The following ELAVL2 variants were observed in gnomAD, a reference collection of about 807,000 sequenced individuals.
The protein encoded by ELAVL2 is ELAV like RNA binding protein 2, also known as ELAV-like protein 2.
In ELAVL2, 4 loss-of-function variants were observed where a neutral mutation model predicts 34.6. The observed-to-expected ratio is 0.12, with a 90% CI of 0.06 to 0.26. ELAVL2 has a LOEUF of 0.26. Among genes scored for constraint, ELAVL2 ranks in the 10% least tolerant of loss-of-function variants. The probability of loss-of-function intolerance (pLI) is 1.00; values close to 1 mark genes in which losing one functional copy is unlikely to be tolerated. For missense variants in ELAVL2, 432 were observed against 442.8 expected, an observed-to-expected ratio of 0.98 and a Z score of 0.22; for synonymous variants, 193 against 154.8, an observed-to-expected ratio of 1.25 and a Z score of -1.83.
At chr9:23,702,945 G>A (rs1471852362) in intron 4 of ELAVL2, among the ~76,000 whole-genome samples, 1 of 22,814 alleles carries the variant, frequency 4.4e-5, no homozygotes, top group Non-Finnish European at 1.0e-4. Context: ...AAAAGCATCA[G>A]ATTAGCAAAA....
intron 1 of ELAVL2, among the ~76,000 whole-genome samples, chr9:23,801,695 C>A (rs1033787801): frequency 6.6e-6 from 1 of 152,128 alleles, no homozygotes; most frequent in Admixed American, 6.6e-5. Context: ...CATTAGTTAT[C>A]CAAACTAAAA....
intron 2 of ELAVL2, among the ~76,000 whole-genome samples, chr9:23,761,460 G>C (rs2054979347): frequency 6.6e-6 from 1 of 151,936 alleles, no homozygotes; most frequent in African/African-American, 2.4e-5. Flanking sequence ...TAACAAGAAG[G>C]ACAATCATAT....
rs193061968 is a variant in ELAVL2 at position 23,761,267 on chromosome 9, T to A, written c.229+739A>T. Among the ~76,000 whole-genome samples the A allele has an allele frequency of 1.1e-4, 17 of 152,236 alleles. No individual in the cohort carries two copies. In the South Asian group the frequency reaches 3.5e-3, roughly 32 times the overall value. On this transcript the variant is annotated intron_variant, in intron 2 of 6. Transcript: ENST00000397312. ...TAGTGTTTAACTTCATATGTATGTC[T>A]AACTTCATGTATTTTTAGTGTTTGA...
intron 2 of ELAVL2, among the ~76,000 whole-genome samples, chr9:23,761,784 A>C (rs1265572050): frequency 2.0e-5 from 3 of 152,092 alleles, no homozygotes; most frequent in Admixed American, 6.6e-5. Context: ...TCCAGATCAG[A>C]GTACATTAAA....
At chr9:23,739,093 G>C (rs992215443) in intron 2 of ELAVL2, among the ~76,000 whole-genome samples, 1 of 151,464 alleles carries the variant, frequency 6.6e-6, no homozygotes, top group Non-Finnish European at 1.5e-5. Context: ...GTATTACACC[G>C]GGTACACAAA....
chr9:23,789,171 C>T (rs930903651), intron 1 of ELAVL2, among the ~76,000 whole-genome samples: 7 of 152,032 alleles, frequency 4.6e-5, no homozygotes, highest in African/African-American at 1.4e-4. Flanking sequence ...TTATTCAGTT[C>T]CTATTAGTCC....
Position 23,761,396 on chromosome 9 carries a change from AAGG to A in ELAVL2, c.229+607_229+609del, listed in dbSNP as rs1355588586. Among the ~76,000 whole-genome samples the A allele has an allele frequency of 3.3e-5, 5 of 152,218 alleles. No homozygotes were observed. In the East Asian group the frequency reaches 7.7e-4, roughly 24 times the overall value. Reference sequence around the variant, plus strand: ...ATTTAGTCAAATCTTAAAAAATACTAAGGAGATTTTCACCTAATATTCAAAATG... The same window carrying A: ...ATTTAGTCAAATCTTAAAAAATACTAAGATTTTCACCTAATATTCAAAATG... On this transcript the variant is annotated intron_variant, in intron 2 of 6. Transcript: ENST00000397312.
intron 1 of ELAVL2, among the ~76,000 whole-genome samples, chr9:23,799,771 G>C (rs1035931703): frequency 6.6e-6 from 1 of 152,158 alleles, no homozygotes; most frequent in Non-Finnish European, 1.5e-5. Context: ...CCAAATAAGA[G>C]ACCACAGTTG....
intron 1 of ELAVL2, among the ~76,000 whole-genome samples, chr9:23,793,021 T>G (rs2060506381): frequency 6.6e-6 from 1 of 152,196 alleles, no homozygotes; most frequent in African/African-American, 2.4e-5. Flanking sequence ...AAGCAATCCC[T>G]CCCCGCAAGG....
At chr9:23,795,185 G>T (rs1254166629) in intron 1 of ELAVL2, among the ~76,000 whole-genome samples, 1 of 152,076 alleles carries the variant, frequency 6.6e-6, no homozygotes, top group Non-Finnish European at 1.5e-5. Flanking sequence ...AATTAAGTGG[G>T]TAGTTTGTTT....
At chr9:23,788,099 C>T (rs2059913282) in intron 1 of ELAVL2, among the ~76,000 whole-genome samples, 2 of 152,024 alleles carry the variant, frequency 1.3e-5, no homozygotes, top group African/African-American at 2.4e-5. Context: ...GAAGGGAGCA[C>T]AAAATGACTT....
At chr9:23,709,495 T>A (rs991331853) in intron 3 of ELAVL2, among the ~76,000 whole-genome samples, 12 of 152,080 alleles carry the variant, frequency 7.9e-5, no homozygotes, top group African/African-American at 2.9e-4. Context: ...GGTGCCTTCA[T>A]ATGCACCTAC....
At chr9:23,718,477 A>G (rs1401350970) in intron 3 of ELAVL2, among the ~76,000 whole-genome samples, 1 of 152,192 alleles carries the variant, frequency 6.6e-6, no homozygotes, top group African/African-American at 2.4e-5. Context: ...TAGAAACTGT[A>G]CCAGTTTTTT....
intron 3 of ELAVL2, among the ~76,000 whole-genome samples, chr9:23,717,722 C>T (rs1034048854): frequency 6.6e-6 from 1 of 152,070 alleles, no homozygotes; most frequent in Non-Finnish European, 1.5e-5. Context: ...ATCATATATC[C>T]AAATAATGGT....
At chr9:23,812,719 G>T (rs1236907552) in intron 1 of ELAVL2, among the ~76,000 whole-genome samples, 1 of 149,750 alleles carries the variant, frequency 6.7e-6, no homozygotes, top group Non-Finnish European at 1.5e-5. Flanking sequence ...GTTTTTAAGT[G>T]AGCATACACT....
chr9:23,790,851 T>C (rs569816897), intron 1 of ELAVL2, among the ~76,000 whole-genome samples: 1 of 152,296 alleles, frequency 6.6e-6, no homozygotes, highest in African/African-American at 2.4e-5. Context: ...TCACATCTCT[T>C]AGTATTTCCA....
chr9:23,704,410 T>C (rs181994407), intron 4 of ELAVL2, among the ~76,000 whole-genome samples: 5 of 152,278 alleles, frequency 3.3e-5, no homozygotes, highest in Non-Finnish European at 7.4e-5. Context: ...ATATTAGGAA[T>C]AAAATAAATT....
chr9:23,828,076 G>T (rs897029827), upstream of ELAVL2, among the ~76,000 whole-genome samples: 7 of 152,196 alleles, frequency 4.6e-5, no homozygotes, highest in African/African-American at 1.7e-4. Context: ...TGAAGAAATG[G>T]AGTCAAGGGG....
At chr9:23,734,840 C>T (rs899047714) in intron 2 of ELAVL2, among the ~76,000 whole-genome samples, 6 of 151,686 alleles carry the variant, frequency 4.0e-5, no homozygotes, top group Non-Finnish European at 8.8e-5. Flanking sequence ...AATACCTTAC[C>T]TACCCTTTTC....
Sources: gnomAD v4.1 joint callset for allele counts (sites outside exome capture counted in the v4.1 genomes callset) on GRCh38, gnomAD v4.1.1 for gene constraint, MANE v1.5 for transcripts, NCBI Gene and HGNC (gene_info 2026-07-23, HGNC 2026-07-21) for gene names.